RBFOX1: variants seen among roughly 807,000 people sequenced by gnomAD.
RBFOX1 encodes RNA binding fox-1 homolog 1, also known as RNA binding protein fox-1 homolog 1.
RBFOX1 carries 8 observed loss-of-function variants against 57.7 expected under a neutral mutation model. The ratio of observed to expected loss-of-function variants is 0.14; its 90% CI spans 0.08 to 0.25. The LOEUF (loss-of-function observed/expected upper bound fraction) is 0.25. RBFOX1 is among the 10% of genes least tolerant of loss of function. The pLI is 1.00. For missense variants in RBFOX1, 611 were observed against 548.5 expected (o/e 1.11, Z -1.14); for synonymous variants, 326 against 222.4 (o/e 1.47, Z -4.15).
intron 1 of RBFOX1, among the ~76,000 whole-genome samples, chr16:5,452,986 T>C (rs2068473743): frequency 6.6e-6 from 1 of 152,150 alleles, no homozygotes; most frequent in African/African-American, 2.4e-5. Context: ...GCCCTTAGGG[T>C]GATTCACTGC....
At chr16:5,986,467 A>G (rs1410456896) in intron 4 of RBFOX1, among the ~76,000 whole-genome samples, 1 of 152,210 alleles carries the variant, frequency 6.6e-6, no homozygotes, top group African/African-American at 2.4e-5. Flanking sequence ...TTGCAAAACT[A>G]TGGTACAATA....
chr16:7,645,653 ATGG>A (rs928347490), intron 11 of RBFOX1, among the ~76,000 whole-genome samples: 16 of 152,230 alleles, frequency 1.1e-4, no homozygotes, highest in African/African-American at 3.9e-4. Context: ...CATGTGGAGC[ATGG>A]TGATTAGACT....
At chr16:6,399,291 A>AC (rs1482130278) in intron 2 of RBFOX1, among the ~76,000 whole-genome samples, 2 of 152,206 alleles carry the variant, frequency 1.3e-5, no homozygotes, top group Non-Finnish European at 2.9e-5. Flanking sequence ...AAGGTGTCTA[A>AC]CATGCCCTGG....
At chr16:5,691,958 C>A (rs1468693003) in intron 3 of RBFOX1, among the ~76,000 whole-genome samples, 5 of 152,202 alleles carry the variant, frequency 3.3e-5, no homozygotes, top group African/African-American at 4.8e-5. Flanking sequence ...ACATGTAACA[C>A]GAAGGCTGAG....
rs564633119 is a variant in RBFOX1, at chr16:5,673,916, G to T, written c.318+74955G>T. On this transcript the variant is annotated intron_variant, in intron 3 of 19. Coordinates refer to the RBFOX1 transcript ENST00000641259. ...GCTTTTCTCTTCTGCATCAAGGCTG[G>T]TTACAAAACCGAAAGGGGGAATGAG... Among the ~76,000 whole-genome samples, 20 of 152,320 alleles carry T rather than the reference G, an allele frequency of 1.3e-4. 1 individual carries two copies. Among genetic ancestry groups the T allele is most frequent in the Admixed American group, 1.3e-3 (20 of 15,298 alleles).
In RBFOX1 at chr16:6,081,675, T is replaced by C. The variant is rs529268147; in HGVS notation, c.-127+61683T>C. Among the ~76,000 whole-genome samples, 207 of 152,338 alleles carry C rather than the reference T, an allele frequency of 1.4e-3. 1 individual carries two copies. The highest frequency in any genetic ancestry group is 4.8e-3 in the African/African-American group (199 of 41,580). On this transcript the variant is annotated intron_variant, in intron 1 of 15. Transcript: ENST00000550418. ...TGGCTGATTTTATTTATTTATTTAT[T>C]TTTGAAACTGACTTTTAAATGAAAG... is the stretch of plus-strand genomic sequence containing the variant.
At chr16:5,524,962 T>C (rs2044182349) in intron 2 of RBFOX1, among the ~76,000 whole-genome samples, 2 of 152,222 alleles carry the variant, frequency 1.3e-5, no homozygotes, top group Admixed American at 1.3e-4. Context: ...GCATTTCTAA[T>C]AAGCACCTTA....
chr16:6,211,095 C>T (rs1168191036), intron 1 of RBFOX1, among the ~76,000 whole-genome samples: 1 of 144,722 alleles, frequency 6.9e-6, no homozygotes, highest in South Asian at 2.2e-4. Context: ...AGATCTTAGA[C>T]CCTTACTCCA....
intron 1 of RBFOX1, among the ~76,000 whole-genome samples, chr16:6,275,107 C>G (rs572493940): frequency 6.6e-6 from 1 of 152,210 alleles, no homozygotes; most frequent in South Asian, 2.1e-4. Context: ...TGTGTACATA[C>G]CTACATCTCT....
intron 3 of RBFOX1, among the ~76,000 whole-genome samples, chr16:5,644,151 C>T (rs1036444247): frequency 1.3e-5 from 2 of 152,164 alleles, no homozygotes; most frequent in African/African-American, 2.4e-5. Context: ...AGGAAATAAT[C>T]GCGTCTTTCC....
intron 1 of RBFOX1, among the ~76,000 whole-genome samples, chr16:6,206,937 A>C (rs945186865): frequency 6.6e-6 from 1 of 151,798 alleles, no homozygotes; most frequent in Non-Finnish European, 1.5e-5. Flanking sequence ...AGCACCTTGT[A>C]ATACACTTAA....
At chr16:7,068,136 G>C (rs1413088231) in intron 4 of RBFOX1, among the ~76,000 whole-genome samples, 2 of 151,842 alleles carry the variant, frequency 1.3e-5, no homozygotes, top group Non-Finnish European at 2.9e-5. Context: ...GATTATCCAG[G>C]ATAATCTCCC....
Position 6,780,410 on chromosome 16 carries a change from T to TATATATATTTA in RBFOX1, c.-16+125760_-16+125761insATATATATTTA, listed in dbSNP as rs1567216960. ...ATATTATATATATTTTTATATATAT[T>TATATATATTTA]TATATATATTTATATATATTTATAG... On this transcript the variant is annotated intron_variant, in intron 3 of 15. Coordinates refer to ENST00000550418, the MANE Select transcript of RBFOX1 (RefSeq NM_018723.4). 1.1e-4 allele frequency among the ~76,000 whole-genome samples: 9 copies of TATATATATTTA among 79,224 alleles called. 2 individuals carry two copies. Among genetic ancestry groups the TATATATATTTA allele is most frequent in the Non-Finnish European group, 1.8e-4 (9 of 49,370 alleles). The allele number at this position is 79,224 out of a possible 152,430, so 52.0% of individuals were successfully genotyped here.
intron 10 of RBFOX1, among the ~76,000 whole-genome samples, chr16:7,627,344 A>T (rs577562613): frequency 6.6e-6 from 1 of 152,184 alleles, no homozygotes; most frequent in Admixed American, 6.5e-5. Flanking sequence ...CCAATAGGAA[A>T]GGATAATATT....
At chr16:5,649,408 G>A (rs145430621) in intron 3 of RBFOX1, among the ~76,000 whole-genome samples, 254 of 152,240 alleles carry the variant, frequency 1.7e-3, no homozygotes, top group African/African-American at 5.4e-3. Flanking sequence ...GACCTCAGGT[G>A]ATCCACCTGC....
intron 4 of RBFOX1, among the ~76,000 whole-genome samples, chr16:5,904,528 G>C (rs2058395487): frequency 6.6e-6 from 1 of 151,742 alleles, no homozygotes; most frequent in African/African-American, 2.4e-5. Flanking sequence ...GAGTGGGTAG[G>C]CGGAAGGCAG....
chr16:7,128,197 C>A (rs2069125311), intron 4 of RBFOX1, among the ~76,000 whole-genome samples: 1 of 152,156 alleles, frequency 6.6e-6, no homozygotes, highest in African/African-American at 2.4e-5. Context: ...GATTTTCTTT[C>A]AAAGAATAAT....
intron 3 of RBFOX1, among the ~76,000 whole-genome samples, chr16:6,737,000 C>G (rs13335864): frequency 0.015 from 2,303 of 152,242 alleles, 55 homozygotes; most frequent in African/African-American, 0.053. Flanking sequence ...ATCCCTGACA[C>G]GGGAACCGTC....
intron 14 of RBFOX1, among the ~76,000 whole-genome samples, chr16:7,683,826 A>C (rs563727684): frequency 2.1e-5 from 3 of 140,950 alleles, no homozygotes; most frequent in African/African-American, 5.2e-5. Context: ...CCTATGAATG[A>C]GCCATTTCTA....
Sources: allele counts gnomAD v4.1 joint callset (sites outside exome capture counted in the v4.1 genomes callset), GRCh38; gene constraint gnomAD v4.1.1; transcripts MANE v1.5; gene names NCBI Gene and HGNC (gene_info 2026-07-23, HGNC 2026-07-21).